The following SPACA9 variants were observed in gnomAD, a reference collection of about 807,000 sequenced individuals.
SPACA9 encodes sperm acrosome associated 9.
SPACA9 carries 14 observed loss-of-function variants against 12.5 expected under a neutral mutation model. That is an observed-to-expected ratio of 1.12 (90% CI 0.74 to 1.75). The LOEUF (loss-of-function observed/expected upper bound fraction) is 1.75. SPACA9 is among the 40% of genes most tolerant of loss of function. The pLI is 0.00. For synonymous variants in SPACA9, 111 were observed against 114.1 expected, an observed-to-expected ratio of 0.97 and a Z score of 0.17; for missense variants, 292 against 291.9, an observed-to-expected ratio of 1.00 and a Z score of 0.00.
intron 1 of SPACA9, among the ~76,000 whole-genome samples, chr9:132,881,277 A>AG (rs1844419168): frequency 6.9e-6 from 1 of 145,878 alleles, no homozygotes; most frequent in Non-Finnish European, 1.5e-5. Flanking sequence ...AAAAAGAAAA[A>AG]AAAAAAAGAA....
At chr9:132,878,686 G>A, upstream of SPACA9, 1 of 992,204 alleles carries the variant, frequency 1.0e-6, no homozygotes, top group Non-Finnish European at 1.2e-6. This position sits in a 1 kb window ranked among gnomAD's most constrained non-coding sequence, Gnocchi z 4.7. Flanking sequence ...TGTGGGGGAG[G>A]GTGTTTGAAG....
At chr9:132,883,586 G>A (rs114347207) in intron 1 of SPACA9, among the ~76,000 whole-genome samples, 305 of 152,282 alleles carry the variant, frequency 2.0e-3, no homozygotes, top group African/African-American at 6.9e-3. Context: ...GTGTGTGCGC[G>A]CGTGTGTGTA....
intron 2 of SPACA9, among the ~76,000 whole-genome samples, chr9:132,885,212 A>C (rs1844533212): frequency 6.6e-6 from 1 of 151,586 alleles, no homozygotes; most frequent in African/African-American, 2.4e-5. Context: ...TTTTTAACTC[A>C]AAAAAATGTT....
chr9:132,883,557 CATGCATGTGT>C (rs1844480778), intron 1 of SPACA9, among the ~76,000 whole-genome samples: 1 of 151,832 alleles, frequency 6.6e-6, no homozygotes, highest in Non-Finnish European at 1.5e-5. Flanking sequence ...TGTGTGTGCA[CATGCATGTGT>C]GTGCGTGTGT....
At chr9:132,884,942 T>C (rs748733265) in intron 2 of SPACA9, among the ~76,000 whole-genome samples, 2 of 134,492 alleles carry the variant, frequency 1.5e-5, no homozygotes, top group Non-Finnish European at 3.3e-5. Flanking sequence ...GGTGAAACCC[T>C]GTCTCTACTA....
At position 132,888,705 on chromosome 9, in the gene SPACA9, CACTT is replaced by C. The variant is rs1691381357; in HGVS notation, c.*98_*101del. On this transcript the variant is annotated 3_prime_UTR_variant, in exon 4 of 4. Transcript: ENST00000356311. The surrounding 1 kb of genome is among the most constrained non-coding windows in gnomAD (Gnocchi z 5.0). ...TTTCACTGGTACCCATGGACCCTGC[CACTT>C]ACTAACCCCAAGGGAATCAGCCAAT... 1 of 1,451,326 alleles carries C rather than the reference CACTT, an allele frequency of 6.9e-7. No individual in the cohort carries two copies. Among genetic ancestry groups the C allele is most frequent in the African/African-American group, 1.4e-5 (1 of 69,814 alleles). 89.9% of individuals were successfully genotyped at this position (1,451,326 alleles called of 1,614,324 possible). A position where few individuals can be genotyped will look rare whatever the true frequency, so the allele number is the denominator to read the frequency against.
At chr9:132,878,455 C>G (rs1465339293), upstream of SPACA9, 1 of 1,224,096 alleles carries the variant, frequency 8.2e-7, no homozygotes, top group Non-Finnish European at 1.0e-6. This position sits in a 1 kb window ranked among gnomAD's most constrained non-coding sequence, Gnocchi z 4.7. Flanking sequence ...TTTCCCCAAC[C>G]CCGGCCTCGC....
At position 132,887,676 on chromosome 9, in the gene SPACA9, C is replaced by T. The variant is rs1588269451; in HGVS notation, c.347+105C>T. 3.3e-6 allele frequency: 3 copies of T among 922,752 alleles called. No individual in the cohort carries two copies. In the East Asian group the frequency reaches 7.3e-5, roughly 22 times the overall value. The allele number at this position is 922,752 out of a possible 1,614,324, so 57.2% of individuals were successfully genotyped here. On this transcript the variant is annotated intron_variant, in intron 3 of 3. Transcript: ENST00000356311. The surrounding 1 kb of genome is among the most constrained non-coding windows in gnomAD (Gnocchi z 5.4). Reference sequence around the variant, plus strand: ...GGATCATGGTGCTCCTATTAGACCACCCCGGGCAGGAAATCCCAGTCTCCA... The same window carrying T: ...GGATCATGGTGCTCCTATTAGACCATCCCGGGCAGGAAATCCCAGTCTCCA...
At chr9:132,878,886 TC>T, upstream of SPACA9, 2 of 613,122 alleles carry the variant, frequency 3.3e-6, no homozygotes, top group Non-Finnish European at 4.1e-6. The surrounding 1 kb of genome is among the most constrained non-coding windows in gnomAD (Gnocchi z 4.7). Context: ...TCGCCCGACG[TC>T]CCCACCCACC....
Position 132,888,240 on chromosome 9 carries a change from A to T in SPACA9, c.348-50A>T. 6.4e-7 allele frequency: 1 copy of T among 1,555,006 alleles called. No homozygotes were observed. Among genetic ancestry groups the T allele is most frequent in the African/African-American group, 1.4e-5 (1 of 73,504 alleles). On this transcript the variant is annotated intron_variant, in intron 3 of 3. Coordinates refer to ENST00000356311, the MANE Select transcript of SPACA9 (RefSeq NM_001316897.2). This position sits in a 1 kb window ranked among gnomAD's most constrained non-coding sequence, Gnocchi z 5.0. ...AGGTGTGGCAGCTGCTTGCCACGGC[A>T]TGGCAAGTCCCGGGAGCATGGGTTC...
chr9:132,878,395 C>A (rs1185802496), upstream of SPACA9: 1 of 1,242,540 alleles, frequency 8.0e-7, no homozygotes, highest in Non-Finnish European at 1.0e-6. The surrounding 1 kb of genome is among the most constrained non-coding windows in gnomAD (Gnocchi z 4.7). Flanking sequence ...GCGCGGGTCG[C>A]CCCCGCCCCG....
rs1844700389 is a variant in SPACA9, at chr9:132,889,792, G to C, written c.*1181G>C. ...TCACCTTTCCTTCGCCTTTACTTGG[G>C]AGAGGGAGACCATGACAGAAGCCAG... On this transcript the variant is annotated 3_prime_UTR_variant, in exon 4 of 4. Transcript: ENST00000356311. The C allele has an allele frequency of 7.6e-7, 1 of 1,315,748 alleles. No individual in the cohort carries two copies. Among genetic ancestry groups the C allele is most frequent in the African/African-American group, 1.5e-5 (1 of 66,398 alleles). The allele number at this position is 1,315,748 out of a possible 1,614,324, so 81.5% of individuals were successfully genotyped here.
rs1482987101 is a variant in SPACA9 at position 132,888,688 on chromosome 9, G to A, written c.*77G>A. 7 of 1,461,656 alleles carry A rather than the reference G, an allele frequency of 4.8e-6. No homozygotes were observed. Among genetic ancestry groups the A allele is most frequent in the Non-Finnish European group, 6.3e-6 (7 of 1,105,884 alleles). 90.5% of individuals were successfully genotyped at this position (1,461,656 alleles called of 1,614,324 possible). ...TTACTGGTTGGTCCTTTTTTCACTGGTACCCATGGACCCTGCCACTTACTA... is the reference window on the plus strand; with the variant it reads ...TTACTGGTTGGTCCTTTTTTCACTGATACCCATGGACCCTGCCACTTACTA... On this transcript the variant is annotated 3_prime_UTR_variant, in exon 4 of 4. Coordinates refer to ENST00000356311, the MANE Select transcript of SPACA9 (RefSeq NM_001316897.2). The surrounding 1 kb of genome is among the most constrained non-coding windows in gnomAD (Gnocchi z 5.0).
chr9:132,889,211 CTT>C lies in SPACA9; in HGVS notation c.*602_*603del, dbSNP rs1014397636. On this transcript the variant is annotated 3_prime_UTR_variant, in exon 4 of 4. Transcript: ENST00000356311. ...GGCACTGAACTGTCACCTAGGTCCT[CTT>C]TGAGCCACATCCGGCTCCAGTGCCA... 1 of 986,104 alleles carries C rather than the reference CTT, an allele frequency of 1.0e-6. No individual in the cohort carries two copies. The highest frequency in any genetic ancestry group is 1.7e-5 in the African/African-American group (1 of 57,232). 61.1% of individuals were successfully genotyped at this position (986,104 alleles called of 1,614,324 possible).
intron 2 of SPACA9, among the ~76,000 whole-genome samples, chr9:132,884,724 G>A (rs1410131228): frequency 1.0e-5 from 1 of 100,174 alleles, no homozygotes; most frequent in Non-Finnish European, 2.3e-5. Context: ...AAGGGTAACT[G>A]CCCCAAGATG....
At chr9:132,882,016 T>C (rs1002958211) in intron 1 of SPACA9, among the ~76,000 whole-genome samples, 5 of 152,220 alleles carry the variant, frequency 3.3e-5, no homozygotes, top group African/African-American at 1.2e-4. Flanking sequence ...ATGGCAGGTG[T>C]CAATAAACCA....
chr9:132,882,383 G>T (rs1271920549), intron 1 of SPACA9, among the ~76,000 whole-genome samples: 1 of 151,796 alleles, frequency 6.6e-6, no homozygotes, highest in South Asian at 2.1e-4. Flanking sequence ...GCCATCTCCT[G>T]GTCTGTTCTT....
In SPACA9 at chr9:132,889,412, T is replaced by C; in HGVS notation, c.*801T>C. 1 of 985,422 alleles carries C rather than the reference T, an allele frequency of 1.0e-6. No individual in the cohort carries two copies. The highest frequency in any genetic ancestry group is 1.2e-6 in the Non-Finnish European group (1 of 829,938). 61.0% of individuals were successfully genotyped at this position (985,422 alleles called of 1,614,324 possible). A position where few individuals can be genotyped will look rare whatever the true frequency, so the allele number is the denominator to read the frequency against. Reference sequence around the variant, plus strand: ...GGCATGTGGAACTCAGCGTGTTTATTTTTTTATTTTTTGAGATGGAGTTTC... The same window carrying C: ...GGCATGTGGAACTCAGCGTGTTTATCTTTTTATTTTTTGAGATGGAGTTTC... On this transcript the variant is annotated 3_prime_UTR_variant, in exon 4 of 4. Coordinates refer to ENST00000356311, the MANE Select transcript of SPACA9 (RefSeq NM_001316897.2).
Position 132,884,098 on chromosome 9 carries a change from C to G in SPACA9, c.144+7C>G. On this transcript the variant is annotated splice_region_variant and intron_variant, in intron 2 of 3. Transcript: ENST00000356311. ...CATCTCCAGCATTGGACAGGTGGGG[C>G]TCCCGACCCCCACCCCGGCCGAGGG... 1 of 1,609,260 alleles carries G rather than the reference C, an allele frequency of 6.2e-7. No individual in the cohort carries two copies. Among genetic ancestry groups the G allele is most frequent in the Non-Finnish European group, 8.5e-7 (1 of 1,176,034 alleles).
Sources: allele counts gnomAD v4.1 joint callset (sites outside exome capture counted in the v4.1 genomes callset), GRCh38; gene constraint gnomAD v4.1.1; non-coding constraint Gnocchi (gnomAD v3.1); transcripts MANE v1.5; gene names NCBI Gene and HGNC (gene_info 2026-07-23, HGNC 2026-07-21).